SNTG1: variants seen among roughly 807,000 people sequenced by gnomAD.
The protein encoded by SNTG1 is gamma-1-syntrophin.
SNTG1 carries 39 observed loss-of-function variants against 74.7 expected under a neutral mutation model. The observed-to-expected ratio is 0.52, with a 90% CI of 0.40 to 0.68. The LOEUF (loss-of-function observed/expected upper bound fraction) is 0.68, where lower values mean the gene tolerates loss of function less well. SNTG1 is among the 30% of genes least tolerant of loss of function. The pLI, the probability that SNTG1 is intolerant of heterozygous loss-of-function variation, is 0.00. For missense variants in SNTG1, 685 were observed against 609.5 expected (o/e 1.12, Z -1.30); for synonymous variants, 254 against 217.1 (o/e 1.17, Z -1.49).
In SNTG1 at chr8:50,463,740, C is replaced by T. The variant is rs74362214; in HGVS notation, c.363+13011C>T. On this transcript the variant is annotated intron_variant, in intron 8 of 18. Transcript: ENST00000642720. ...AATGGTACACAGACATTGGCTTCAA[C>T]TTAAAGCCACCAGCAGCATTGGCCC... 7.1e-4 allele frequency among the ~76,000 whole-genome samples: 108 copies of T among 152,310 alleles called. 2 individuals carry two copies. The East Asian group carries it at 0.017, about 25-fold the overall frequency.
intron 8 of SNTG1, among the ~76,000 whole-genome samples, chr8:50,455,752 A>G (rs184090309): frequency 1.3e-5 from 2 of 152,336 alleles, no homozygotes; most frequent in Non-Finnish European, 1.5e-5. Flanking sequence ...GAGGTTTTAT[A>G]TGTCACCAAG....
At chr8:49,955,399 C>T (rs896191354) in intron 1 of SNTG1, among the ~76,000 whole-genome samples, 2 of 152,196 alleles carry the variant, frequency 1.3e-5, no homozygotes, top group African/African-American at 4.8e-5. Context: ...CGCACATTGC[C>T]CTGGCACCTC....
intron 9 of SNTG1, among the ~76,000 whole-genome samples, chr8:50,529,059 C>G (rs1226251000): frequency 6.6e-6 from 1 of 151,816 alleles, no homozygotes; most frequent in East Asian, 1.9e-4. Flanking sequence ...CAAATGACTA[C>G]TTAAGATTCA....
At chr8:50,326,726 G>A (rs1446291188) in intron 2 of SNTG1, among the ~76,000 whole-genome samples, 1 of 149,556 alleles carries the variant, frequency 6.7e-6, no homozygotes, top group African/African-American at 2.5e-5. Context: ...TTTTCTTCCA[G>A]TTACATTGAA....
intron 13 of SNTG1, among the ~76,000 whole-genome samples, chr8:50,624,793 A>G (rs892551982): frequency 6.6e-6 from 1 of 152,122 alleles, no homozygotes; most frequent in African/African-American, 2.4e-5. Context: ...TGAAAAATCT[A>G]TACTTTGAAA....
rs551845237 is a variant in SNTG1 at position 50,331,678 on chromosome 8, T to C, written c.-27-62534T>C. On this transcript the variant is annotated intron_variant, in intron 2 of 18. Coordinates refer to ENST00000642720, the MANE Select transcript of SNTG1 (RefSeq NM_018967.5). ...TTAAGAGAAGTATCTGCATGAGAGA[T>C]AGCAGTAGCTTGAATCACATGGTGC... Among the ~76,000 whole-genome samples, 6 of 152,278 alleles carry C rather than the reference T, an allele frequency of 3.9e-5. No homozygotes were observed. In the South Asian group the frequency reaches 1.2e-3, roughly 32 times the overall value.
intron 12 of SNTG1, among the ~76,000 whole-genome samples, chr8:50,578,530 C>T (rs1370936383): frequency 6.6e-6 from 1 of 152,062 alleles, no homozygotes; most frequent in Admixed American, 6.6e-5. Context: ...ATGATTTGGC[C>T]GTGTGCCCAC....
At chr8:50,206,950 C>A (rs999475129) in intron 2 of SNTG1, among the ~76,000 whole-genome samples, 2 of 152,124 alleles carry the variant, frequency 1.3e-5, no homozygotes, top group Non-Finnish European at 2.9e-5. Context: ...TTTTGACGTG[C>A]TGCTGGTTTT....
chr8:50,750,422 A>C (rs1243580588), intron 17 of SNTG1, among the ~76,000 whole-genome samples: 1 of 152,072 alleles, frequency 6.6e-6, no homozygotes, highest in Non-Finnish European at 1.5e-5. Context: ...TTTAGTTGAT[A>C]AACAGCAGCA....
chr8:49,970,386 T>C lies in SNTG1; in HGVS notation c.-103+58155T>C, dbSNP rs969996867. On this transcript the variant is annotated intron_variant, in intron 1 of 18. Transcript: ENST00000642720. ...AGTTTTTAATTTTTTCAGTAATGCA[T>C]GTGTGTTTAGCCGCACTCTTTTTAA... Among the ~76,000 whole-genome samples, 2 of 152,210 alleles carry C rather than the reference T, an allele frequency of 1.3e-5. 1 individual carries two copies. The highest frequency in any genetic ancestry group is 2.9e-5 in the Non-Finnish European group (2 of 68,032).
At chr8:50,020,736 T>C (rs1185823608) in intron 1 of SNTG1, among the ~76,000 whole-genome samples, 6 of 152,198 alleles carry the variant, frequency 3.9e-5, no homozygotes, top group African/African-American at 1.4e-4. Flanking sequence ...GAAGCTATGA[T>C]AGGGAGGAGA....
intron 1 of SNTG1, among the ~76,000 whole-genome samples, chr8:50,003,603 C>T (rs976222629): frequency 7.9e-5 from 12 of 151,936 alleles, no homozygotes; most frequent in Non-Finnish European, 7.4e-5. Context: ...GATTACAGTG[C>T]GAAATTTACT....
At chr8:50,777,121 T>C (rs1379254643) in intron 18 of SNTG1, among the ~76,000 whole-genome samples, 1 of 151,472 alleles carries the variant, frequency 6.6e-6, no homozygotes, top group Non-Finnish European at 1.5e-5. Flanking sequence ...GATGTATTCT[T>C]TCACCAATTT....
intron 13 of SNTG1, among the ~76,000 whole-genome samples, chr8:50,607,465 G>A (rs2094821111): frequency 6.6e-6 from 1 of 151,476 alleles, no homozygotes; most frequent in Non-Finnish European, 1.5e-5. Context: ...AGGAATTCAT[G>A]CATTTCATTT....
chr8:50,705,664 C>T (rs1005031366), intron 16 of SNTG1, among the ~76,000 whole-genome samples: 2 of 151,990 alleles, frequency 1.3e-5, no homozygotes, highest in African/African-American at 4.8e-5. Context: ...TTGGAATTAT[C>T]TTATCATGTG....
At chr8:50,378,399 CCTT>C (rs1044337601) in intron 2 of SNTG1, among the ~76,000 whole-genome samples, 18 of 152,200 alleles carry the variant, frequency 1.2e-4, no homozygotes, top group African/African-American at 4.3e-4. Context: ...GCTCTTCCCT[CCTT>C]CTCTTCGCCT....
chr8:50,157,895 A>T (rs1359149675), intron 1 of SNTG1, among the ~76,000 whole-genome samples: 1 of 152,140 alleles, frequency 6.6e-6, no homozygotes, highest in African/African-American at 2.4e-5. Flanking sequence ...CTTTTTCAAA[A>T]ATTTCTAAAG....
intron 13 of SNTG1, among the ~76,000 whole-genome samples, chr8:50,630,824 A>C (rs555135094): frequency 6.6e-6 from 1 of 152,340 alleles, no homozygotes; most frequent in South Asian, 2.1e-4. Flanking sequence ...GAAAGGAGAG[A>C]GATAACTTGT....
chr8:50,213,730 T>C (rs2084635673), intron 2 of SNTG1, among the ~76,000 whole-genome samples: 1 of 151,996 alleles, frequency 6.6e-6, no homozygotes, highest in Non-Finnish European at 1.5e-5. Context: ...ATGTCTTCTT[T>C]TGAGAAGTGT....
Sources: allele counts gnomAD v4.1 joint callset (sites outside exome capture counted in the v4.1 genomes callset), GRCh38; gene constraint gnomAD v4.1.1; transcripts MANE v1.5; gene names NCBI Gene and HGNC (gene_info 2026-07-23, HGNC 2026-07-21).